TTI2: variants seen among roughly 807,000 people sequenced by gnomAD.
TTI2 encodes the protein TELO2 interacting protein 2, also known as TELO2-interacting protein 2.
In TTI2, 26 loss-of-function variants were observed where a neutral mutation model predicts 44.9. The observed-to-expected ratio is 0.58, with a 90% CI of 0.42 to 0.80. The LOEUF is 0.80. Ranked by LOEUF, TTI2 falls within the 30% of genes least tolerant of loss-of-function variation. The probability of loss-of-function intolerance (pLI) is 0.00; values close to 1 mark genes in which losing one functional copy is unlikely to be tolerated. For missense variants in TTI2, 582 were observed against 611.6 expected (o/e 0.95, Z 0.51); for synonymous variants, 254 against 250.9 (o/e 1.01, Z -0.12).
At chr8:33,507,186 T>C in intron 4 of TTI2, 43 bp downstream of exon 4, 1 of 1,553,404 alleles carries the variant, frequency 6.4e-7, no homozygotes, top group South Asian at 1.1e-5. Context: ...TCTACTCAAA[T>C]TCAGAGAATC....
Position 33,512,283 on chromosome 8 carries a change from C to T in TTI2, c.331G>A (p.Glu111Lys), listed in dbSNP as rs775877726. The T allele has an allele frequency of 1.9e-6, 3 of 1,614,212 alleles. No homozygotes were observed. Among genetic ancestry groups the T allele is most frequent in the East Asian group, 4.5e-5 (2 of 44,878 alleles). Reference sequence around the variant, plus strand: ...AGTAACCCAACTTGGGCTGCTTTCTCGGCCGCTTCGGAGTGCCCATCACCT... The same window carrying T: ...AGTAACCCAACTTGGGCTGCTTTCTTGGCCGCTTCGGAGTGCCCATCACCT... ...GGGDGHSEAA[E>K]KAAQVGLLFL... Residue 111 changes from glutamate to lysine, a missense_variant, in exon 2 of 8, where the codon GAG becomes AAG. Physicochemically the swap from Glu to Lys is moderately conservative, Grantham distance 56. Transcript: ENST00000431156.
chr8:33,504,925 T>C (rs1425728229), intron 4 of TTI2, among the ~76,000 whole-genome samples: 1 of 152,196 alleles, frequency 6.6e-6, no homozygotes, highest in African/African-American at 2.4e-5. Context: ...TTTAAAATAC[T>C]GTAAAAAGAA....
Position 33,512,553 on chromosome 8 carries a change from ACTC to A in TTI2, c.58_60del (p.Glu20del), listed in dbSNP as rs1435386457. 1 of 1,613,806 alleles carries A rather than the reference ACTC, an allele frequency of 6.2e-7. No individual in the cohort carries two copies. Among genetic ancestry groups the A allele is most frequent in the South Asian group, 1.1e-5 (1 of 91,064 alleles). On this transcript the variant is annotated inframe_deletion, in exon 2 of 8. Transcript: ENST00000431156. Reference sequence around the variant, plus strand: ...GCCTGTCCAAAGGCGGAGTGAGACAACTCCTCGGACAAATTAGAGTCTTCCTGC... The same window carrying A: ...GCCTGTCCAAAGGCGGAGTGAGACAACTCGGACAAATTAGAGTCTTCCTGC...
At position 33,503,470 on chromosome 8, in the gene TTI2, T is replaced by TA; in HGVS notation, c.1217dup (p.Leu407IlefsTer32). The TA allele has an allele frequency of 6.2e-7, 1 of 1,614,200 alleles. No individual in the cohort carries two copies. The highest frequency in any genetic ancestry group is 8.5e-7 in the Non-Finnish European group (1 of 1,180,030). On this transcript the variant is annotated frameshift_variant, in exon 6 of 8. Transcript: ENST00000431156. LOFTEE classifies it high-confidence loss of function. Reference sequence around the variant, plus strand: ...GCATGAGAAGTTTTAGGGTTTCCAATATCTTCAGTCTAGCTTCCTCCTCAG... The same window carrying TA: ...GCATGAGAAGTTTTAGGGTTTCCAATAATCTTCAGTCTAGCTTCCTCCTCAG...
At chr8:33,509,455 C>CAA (rs767485555) in intron 3 of TTI2, among the ~76,000 whole-genome samples, 16 of 69,478 alleles carry the variant, frequency 2.3e-4, no homozygotes, top group African/African-American at 6.2e-4. Context: ...GACTCCCTCT[C>CAA]AAAAAAAAAA....
chr8:33,500,406 C>T lies in TTI2; in HGVS notation c.1344G>A (p.Glu448=), dbSNP rs1422142818. Residue 448 remains glutamate, a synonymous_variant, in exon 7 of 8, where the codon GAG becomes GAA. Transcript: ENST00000431156. ...DVARDPNLTP[E]SVKSALLQEA... ...CCTGTAGCAGGGCGCTCTTAACAGA[C>T]TCAGGTGTAAGGTTTGGATCCCTTG... 1 of 1,614,008 alleles carries T rather than the reference C, an allele frequency of 6.2e-7. No homozygotes were observed. The highest frequency in any genetic ancestry group is 1.3e-5 in the African/African-American group (1 of 74,902).
chr8:33,512,560 G>C lies in TTI2; in HGVS notation c.54C>G (p.Ser18=), dbSNP rs183405614. Residue 18 remains serine (S), a synonymous_variant, in exon 2 of 8, where the codon TCC becomes TCG. Coordinates refer to ENST00000431156, the MANE Select transcript of TTI2 (RefSeq NM_001102401.4). ...CAAAGGCGGAGTGAGACAACTCCTC[G>C]GACAAATTAGAGTCTTCCTGCGATG... ...EAPSQEDSNL[S]EELSHSAFGQ... is the part of the protein sequence containing the mutation. The C allele has an allele frequency of 3.1e-6, 5 of 1,614,006 alleles. No individual in the cohort carries two copies. The highest frequency in any genetic ancestry group is 4.5e-5 in the East Asian group (2 of 44,874).
intron 5 of TTI2, 42 bp downstream of exon 5, chr8:33,503,706 T>C (rs1282601685): frequency 1.9e-6 from 3 of 1,611,130 alleles, no homozygotes; most frequent in South Asian, 2.2e-5. Flanking sequence ...AGCAAGATCC[T>C]GTCTGTATAA....
intron 7 of TTI2, 26 bp from the exon 8 acceptor site, chr8:33,499,303 T>G: frequency 6.5e-7 from 1 of 1,545,788 alleles, no homozygotes; most frequent in Non-Finnish European, 8.9e-7. Context: ...AAACAGGCTT[T>G]GATATTTTTT....
Position 33,511,271 on chromosome 8 carries a change from G to A in TTI2, c.647+696C>T, listed in dbSNP as rs770777359. ...TTGGCCAGGCTGGTCTCGAACTCCT[G>A]ACCTTAAGTGATCCACCCGCCTCGG... On this transcript the variant is annotated intron_variant, in intron 2 of 7. Coordinates refer to ENST00000431156, the MANE Select transcript of TTI2 (RefSeq NM_001102401.4). Among the ~76,000 whole-genome samples, 102 of 152,010 alleles carry A rather than the reference G, an allele frequency of 6.7e-4. 2 individuals carry two copies. Among genetic ancestry groups the A allele is most frequent in the Non-Finnish European group, 1.6e-4 (11 of 68,010 alleles).
rs1007495440 is a variant in TTI2, at chr8:33,512,582, G to A, written c.32C>T (p.Ser11Leu). ...CTCGGACAAATTAGAGTCTTCCTGCGATGGGGCTTCCAGAGCGCTGTCAAG... is the reference window on the plus strand; with the variant it reads ...CTCGGACAAATTAGAGTCTTCCTGCAATGGGGCTTCCAGAGCGCTGTCAAG... MELDSALEAP[S>L]QEDSNLSEEL... is the part of the protein sequence containing the mutation. Residue 11 changes from serine (S) to leucine (L), a missense_variant, in exon 2 of 8, where the codon TCG (serine) becomes TTG (leucine). By Grantham distance (145) the Ser-to-Leu change is moderately radical. Transcript: ENST00000431156. 6.2e-7 allele frequency: 1 copy of A among 1,613,712 alleles called. No homozygotes were observed. The highest frequency in any genetic ancestry group is 1.3e-5 in the African/African-American group (1 of 74,906).
chr8:33,510,385 T>C (rs1024309466), intron 2 of TTI2, among the ~76,000 whole-genome samples: 1 of 152,202 alleles, frequency 6.6e-6, no homozygotes, highest in South Asian at 2.1e-4. Context: ...AGGTACATTA[T>C]ATTTATTTTG....
chr8:33,502,218 A>G (rs1220842704), intron 6 of TTI2, among the ~76,000 whole-genome samples: 3 of 152,124 alleles, frequency 2.0e-5, no homozygotes, highest in Non-Finnish European at 4.4e-5. Flanking sequence ...TGCTGGGATT[A>G]CAGGCGTGAG....
intron 3 of TTI2, among the ~76,000 whole-genome samples, chr8:33,509,064 A>T (rs1197858803): frequency 6.8e-6 from 1 of 146,140 alleles, no homozygotes. Context: ...AATCACTTGA[A>T]CCCGGGAGGC....
intron 6 of TTI2, among the ~76,000 whole-genome samples, chr8:33,502,430 T>C (rs1043120084): frequency 1.7e-4 from 26 of 152,288 alleles, no homozygotes; most frequent in African/African-American, 5.8e-4. Flanking sequence ...ACAACCTGTA[T>C]GGTTTCCCAA....
Position 33,498,781 on chromosome 8 carries a change from G to C in TTI2, c.*392C>G. The C allele has an allele frequency of 1.4e-6, 1 of 702,182 alleles. No individual in the cohort carries two copies. The highest frequency in any genetic ancestry group is 2.4e-6 in the Non-Finnish European group (1 of 425,512). The allele number at this position is 702,182 out of a possible 1,614,324, so 43.5% of individuals were successfully genotyped here. A position where few individuals can be genotyped will look rare whatever the true frequency, so the allele number is the denominator to read the frequency against. On this transcript the variant is annotated 3_prime_UTR_variant, in exon 8 of 8. Transcript: ENST00000431156. The stretch of plus-strand genomic sequence containing the variant: ...TTTATTATTTATGCCACGTCAGTGG[G>C]GCAAGAAATCTGGAGTGAGTGAAGA...
At position 33,512,675 on chromosome 8, in the gene TTI2, A is replaced by T; in HGVS notation, c.-62T>A. The T allele has an allele frequency of 1.9e-6, 3 of 1,585,908 alleles. No individual in the cohort carries two copies. The highest frequency in any genetic ancestry group is 2.6e-6 in the Non-Finnish European group (3 of 1,166,230). On this transcript the variant is annotated 5_prime_UTR_variant, in exon 2 of 8. Transcript: ENST00000431156. ...AGAACGAGGATGGAGGCGGGGAGGG[A>T]TCCGTTGAAGAGGGAAGGAGCGATC...
chr8:33,507,350 A>G lies in TTI2; in HGVS notation c.835-29T>C, dbSNP rs748080246. 5.6e-6 allele frequency: 9 copies of G among 1,602,312 alleles called. No homozygotes were observed. In the African/African-American group the frequency reaches 9.4e-5, roughly 17 times the overall value. ...CAACCAGACAAATCGTCAAATTAAA[A>G]GAATAGTTTCCCAAGATTGGCACAT... is the stretch of plus-strand genomic sequence containing the variant. On this transcript the variant is annotated intron_variant, in intron 3 of 7. Coordinates refer to ENST00000431156, the MANE Select transcript of TTI2 (RefSeq NM_001102401.4).
chr8:33,505,485 C>CTTTTTTTTT (rs11446015), intron 4 of TTI2, among the ~76,000 whole-genome samples: 1 of 146,996 alleles, frequency 6.8e-6, no homozygotes. Context: ...GCCACTGCAC[C>CTTTTTTTTT]TTTTTTTTTT....
Sources: gnomAD v4.1 joint callset for allele counts (sites outside exome capture counted in the v4.1 genomes callset) on GRCh38, gnomAD v4.1.1 for gene constraint, MANE v1.5 for transcripts, NCBI Gene and HGNC (gene_info 2026-07-23, HGNC 2026-07-21) for gene names.